Variants in ABLIM3 observed in about 807,000 individuals in gnomAD.
The protein encoded by ABLIM3 is actin-binding LIM protein 3.
ABLIM3 carries 61 observed loss-of-function variants against 109.5 expected under a neutral mutation model. The ratio of observed to expected loss-of-function variants is 0.56; its 90% CI spans 0.45 to 0.69. The LOEUF is 0.69. Ranked by LOEUF, ABLIM3 falls within the 30% of genes least tolerant of loss-of-function variation. The pLI is 0.00. For missense variants in ABLIM3, 796 were observed against 889.5 expected (o/e 0.89, Z 1.34); for synonymous variants, 300 against 324.8 (o/e 0.92, Z 0.82).
intron 17 of ABLIM3, among the ~76,000 whole-genome samples, chr5:149,246,959 C>A (rs1461610531): frequency 6.6e-6 from 1 of 152,190 alleles, no homozygotes; most frequent in Non-Finnish European, 1.5e-5. Flanking sequence ...GATATATACC[C>A]AGAAGAATTA....
Position 149,182,058 on chromosome 5 carries a change from C to T in ABLIM3, c.14-1394C>T, listed in dbSNP as rs182631284. On this transcript the variant is annotated intron_variant, in intron 2 of 23. Transcript: ENST00000309868. ...GTTCACATTTCACTGCCAAGCAAGT[C>T]ACCATGTGCAATCCTCCATGTGCCT... 2.1e-3 allele frequency among the ~76,000 whole-genome samples: 324 copies of T among 152,312 alleles called. 1 individual carries two copies. Among genetic ancestry groups the T allele is most frequent in the African/African-American group, 7.3e-3 (305 of 41,566 alleles).
chr5:149,226,588 G>A (rs938054943), intron 8 of ABLIM3, among the ~76,000 whole-genome samples: 3 of 152,164 alleles, frequency 2.0e-5, no homozygotes, highest in African/African-American at 7.2e-5. Context: ...GGAAGGGCTG[G>A]GAGTCAGAAA....
At chr5:149,240,522 T>C (rs981279950) in intron 13 of ABLIM3, 154 bp from the exon 14 acceptor site, 3 of 641,550 alleles carry the variant, frequency 4.7e-6, no homozygotes, top group Non-Finnish European at 5.6e-6. Flanking sequence ...GAGCACATGC[T>C]GCTTCCGCCC....
At chr5:149,195,580 G>C (rs567461160) in intron 3 of ABLIM3, among the ~76,000 whole-genome samples, 88 of 152,258 alleles carry the variant, frequency 5.8e-4, no homozygotes, top group Non-Finnish European at 9.3e-4. Flanking sequence ...TCCACTGGGA[G>C]AGGTGGCTCT....
At chr5:149,168,496 T>A (rs1308751739) in intron 2 of ABLIM3, among the ~76,000 whole-genome samples, 1 of 152,204 alleles carries the variant, frequency 6.6e-6, no homozygotes, top group Non-Finnish European at 1.5e-5. Flanking sequence ...TCTGCCAGCA[T>A]AGCCACCTGT....
In ABLIM3 at chr5:149,227,465, G is replaced by A. The variant is rs115241427; in HGVS notation, c.758-3184G>A. On this transcript the variant is annotated intron_variant, in intron 8 of 23. Transcript: ENST00000309868. Reference sequence around the variant, plus strand: ...TACTCTTACAAAAAGCTAGAGCTCTGCCTTATAAAATTGGTTTCTTTATCA... The same window carrying A: ...TACTCTTACAAAAAGCTAGAGCTCTACCTTATAAAATTGGTTTCTTTATCA... Among the ~76,000 whole-genome samples the A allele has an allele frequency of 1.8e-3, 268 of 152,282 alleles. 2 individuals are homozygous for A. The highest frequency in any genetic ancestry group is 6.3e-3 in the African/African-American group (260 of 41,578).
At chr5:149,193,543 G>A (rs1280187740) in intron 3 of ABLIM3, among the ~76,000 whole-genome samples, 2 of 152,060 alleles carry the variant, frequency 1.3e-5, no homozygotes, top group African/African-American at 2.4e-5. Context: ...GTTCTACTCT[G>A]GTTGAACTAT....
In ABLIM3 at chr5:149,252,966, G is replaced by A. The variant is rs531373854; in HGVS notation, c.1938+129G>A. ...GATCACACAGCTTATTGAAAAAGCA[G>A]GGACTTGAACCAATTTCCTCAGCCC... is the stretch of plus-strand genomic sequence containing the variant. On this transcript the variant is annotated intron_variant, in intron 23 of 23. Coordinates refer to ENST00000309868, the MANE Select transcript of ABLIM3 (RefSeq NM_014945.5). 4.3e-6 allele frequency: 3 copies of A among 690,246 alleles called. No homozygotes were observed. The Admixed American group carries it at 7.6e-5, about 17-fold the overall frequency. The allele number at this position is 690,246 out of a possible 1,614,324, so 42.8% of individuals were successfully genotyped here.
At chr5:149,240,034 C>G in intron 13 of ABLIM3, 146 bp downstream of exon 13, 1 of 1,185,880 alleles carries the variant, frequency 8.4e-7, no homozygotes, top group African/African-American at 1.6e-5. Flanking sequence ...CCCAGGTGAC[C>G]AGCTGGGCCT....
intron 8 of ABLIM3, among the ~76,000 whole-genome samples, chr5:149,224,614 C>A (rs141792554): frequency 1.4e-4 from 21 of 152,362 alleles, no homozygotes; most frequent in African/African-American, 4.3e-4. Context: ...CCCTGCTCCC[C>A]TCAAGTCTCC....
chr5:149,258,235 C>A (rs896639096), intron 23 of ABLIM3, 56 bp from the exon 24 acceptor site: 43 of 1,535,500 alleles, frequency 2.8e-5, no homozygotes, highest in African/African-American at 4.1e-5. Context: ...CATCTTGCAT[C>A]CTCATGCTGC....
intron 16 of ABLIM3, 146 bp downstream of exon 16, chr5:149,245,161 A>T: frequency 8.8e-7 from 1 of 1,134,948 alleles, no homozygotes; most frequent in South Asian, 1.6e-5. Context: ...TATTCATTCA[A>T]CAAATATGTA....
At chr5:149,210,892 G>C in intron 7 of ABLIM3, 73 bp downstream of exon 7, 1 of 1,399,448 alleles carries the variant, frequency 7.1e-7, no homozygotes, top group Non-Finnish European at 1.0e-6. Flanking sequence ...ACAGAAGAAG[G>C]AGAAAGTCAT....
chr5:149,158,622 C>G (rs991521767), intron 2 of ABLIM3, among the ~76,000 whole-genome samples: 18 of 152,156 alleles, frequency 1.2e-4, no homozygotes, highest in African/African-American at 4.3e-4. Context: ...TCAACCATCA[C>G]TAGTACTGTT....
At chr5:149,225,980 G>GTA (rs1761199218) in intron 8 of ABLIM3, among the ~76,000 whole-genome samples, 1 of 21,914 alleles carries the variant, frequency 4.6e-5, no homozygotes, top group Non-Finnish European at 8.0e-5. Context: ...GTGTGTGTGT[G>GTA]TGTATATATA....
intron 8 of ABLIM3, chr5:149,217,985 G>A (rs1334821532): frequency 6.6e-6 from 1 of 152,272 alleles, no homozygotes; most frequent in African/African-American, 2.4e-5. Flanking sequence ...GCTGTGGTAA[G>A]TGTTATGAAG....
intron 23 of ABLIM3, among the ~76,000 whole-genome samples, chr5:149,256,983 T>A (rs1291450339): frequency 6.6e-6 from 1 of 152,216 alleles, no homozygotes; most frequent in Non-Finnish European, 1.5e-5. Flanking sequence ...ATTACCTTTG[T>A]TTGAAATTCT....
chr5:149,230,302 A>G (rs576120392), intron 8 of ABLIM3, among the ~76,000 whole-genome samples: 1 of 152,310 alleles, frequency 6.6e-6, no homozygotes, highest in East Asian at 1.9e-4. Context: ...TGAAAAATCC[A>G]TAAGCTACTG....
chr5:149,212,307 A>G (rs976591835), intron 7 of ABLIM3, among the ~76,000 whole-genome samples: 4 of 152,182 alleles, frequency 2.6e-5, no homozygotes, highest in African/African-American at 7.2e-5. Context: ...AGGACAAGGC[A>G]TGAGTCCAGG....
Sources: allele counts gnomAD v4.1 joint callset (sites outside exome capture counted in the v4.1 genomes callset), GRCh38; gene constraint gnomAD v4.1.1; transcripts MANE v1.5; gene names NCBI Gene and HGNC (gene_info 2026-07-23, HGNC 2026-07-21).